NSD1: variants seen among roughly 807,000 people sequenced by gnomAD.
The protein encoded by NSD1 is nuclear receptor binding SET domain protein 1.
A neutral mutation model predicts 242.7 loss-of-function variants in NSD1; 26 were observed. The observed-to-expected ratio is 0.11, with a 90% CI of 0.08 to 0.15. NSD1 has a LOEUF of 0.15. Ranked by LOEUF, NSD1 falls within the 10% of genes least tolerant of loss-of-function variation. The probability of loss-of-function intolerance (pLI) is 1.00; values close to 1 mark genes in which losing one functional copy is unlikely to be tolerated. For synonymous variants in NSD1, 1,106 were observed against 1,178.1 expected, an observed-to-expected ratio of 0.94 and a Z score of 1.25; for missense variants, 2,495 against 3,272.8, an observed-to-expected ratio of 0.76 and a Z score of 5.80.
chr5:177,258,628 T>C (rs1756731708), intron 13 of NSD1, among the ~76,000 whole-genome samples: 1 of 150,586 alleles, frequency 6.6e-6, no homozygotes, highest in Non-Finnish European at 1.5e-5. Context: ...CTCCACCACC[T>C]GGGTTCAAAT....
intron 8 of NSD1, among the ~76,000 whole-genome samples, chr5:177,240,932 T>G (rs545411143): frequency 3.3e-5 from 5 of 152,190 alleles, no homozygotes; most frequent in Non-Finnish European, 7.4e-5. Flanking sequence ...AGTGGTAGGA[T>G]GTCTTGAGCC....
In NSD1 at chr5:177,133,845, G is replaced by A. The variant is rs1335496392; in HGVS notation, c.-125G>A. 1 of 150,740 alleles carries A rather than the reference G, an allele frequency of 6.6e-6. No homozygotes were observed. The highest frequency in any genetic ancestry group is 1.5e-5 in the Non-Finnish European group (1 of 67,534). 9.3% of individuals were successfully genotyped at this position (150,740 alleles called of 1,614,324 possible). A position where few individuals can be genotyped will look rare whatever the true frequency, so the allele number is the denominator to read the frequency against. The stretch of plus-strand genomic sequence containing the variant: ...CCCCTGAAGAGAGACGCGGGGGGAG[G>A]GGGGTGCGGCGAGCGGCCCCGCTCT... On this transcript the variant is annotated 5_prime_UTR_variant, in exon 1 of 23. Coordinates refer to ENST00000439151, the MANE Select transcript of NSD1 (RefSeq NM_022455.5). The surrounding 1 kb of genome is among the most constrained non-coding windows in gnomAD (Gnocchi z 6.2).
intron 2 of NSD1, chr5:177,137,045 T>G: frequency 2.1e-6 from 1 of 479,674 alleles, no homozygotes. Context: ...GAGTTGTTGT[T>G]TTCAGTAATG....
intron 12 of NSD1, among the ~76,000 whole-genome samples, chr5:177,255,569 GTTTTGTTT>G (rs1230405218): frequency 6.6e-6 from 1 of 151,832 alleles, no homozygotes; most frequent in Non-Finnish European, 1.5e-5. Context: ...TTTTTGTTTT[GTTTTGTTT>G]TTTTGTTTTT....
At chr5:177,284,544 T>G (rs1322156817) in intron 20 of NSD1, among the ~76,000 whole-genome samples, 5 of 152,182 alleles carry the variant, frequency 3.3e-5, no homozygotes, top group Non-Finnish European at 1.5e-5. Context: ...TGCCTCAGCC[T>G]CCCAAGTGCT....
intron 4 of NSD1, among the ~76,000 whole-genome samples, chr5:177,207,738 A>G (rs942577026): frequency 6.8e-5 from 10 of 147,306 alleles, no homozygotes; most frequent in Non-Finnish European, 1.3e-4. Flanking sequence ...CCTTTTATTC[A>G]TTTATTTTAT....
intron 16 of NSD1, among the ~76,000 whole-genome samples, chr5:177,271,731 G>A (rs1376253569): frequency 1.8e-4 from 27 of 152,192 alleles, no homozygotes; most frequent in Admixed American, 1.8e-3. Flanking sequence ...GATCTAACTA[G>A]ATCCCTAGTT....
intron 2 of NSD1, among the ~76,000 whole-genome samples, chr5:177,176,889 C>A (rs116083684): frequency 0.019 from 2,881 of 152,184 alleles, 91 homozygotes; most frequent in African/African-American, 0.063. Context: ...GGGGATCAGT[C>A]AGAAGTGAGC....
chr5:177,215,229 G>T (rs1183095606), intron 5 of NSD1, among the ~76,000 whole-genome samples: 1 of 151,352 alleles, frequency 6.6e-6, no homozygotes, highest in Non-Finnish European at 1.5e-5. Context: ...GCCCAGGCCG[G>T]AGTGCAATGG....
chr5:177,280,533 T>G, intron 17 of NSD1, 32 bp from the exon 18 acceptor site: 1 of 1,614,202 alleles, frequency 6.2e-7, no homozygotes, highest in Non-Finnish European at 8.5e-7. Context: ...GCTGACTTGT[T>G]TTATGCGGTG....
Position 177,299,578 on chromosome 5 carries a change from T to G in NSD1, c.*4119T>G. 4.3e-6 allele frequency: 1 copy of G among 233,266 alleles called. No individual in the cohort carries two copies. The highest frequency in any genetic ancestry group is 8.5e-6 in the Non-Finnish European group (1 of 118,042). The allele number at this position is 233,266 out of a possible 1,614,324, so 14.4% of individuals were successfully genotyped here. ...AAGCCCCTCTACTGCTTATGAAGAT[T>G]AAGGGTAGTATTTTCTAAGGAAGTG... On this transcript the variant is annotated 3_prime_UTR_variant, in exon 23 of 23. Coordinates refer to ENST00000439151, the MANE Select transcript of NSD1 (RefSeq NM_022455.5).
At chr5:177,232,352 T>A (rs776142795) in intron 5 of NSD1, among the ~76,000 whole-genome samples, 2 of 152,188 alleles carry the variant, frequency 1.3e-5, no homozygotes, top group Non-Finnish European at 2.9e-5. Flanking sequence ...TCCATAGAGA[T>A]GTTGTTTAAA....
intron 5 of NSD1, among the ~76,000 whole-genome samples, chr5:177,226,920 A>G (rs1764677321): frequency 6.6e-6 from 1 of 152,184 alleles, no homozygotes; most frequent in South Asian, 2.1e-4. Flanking sequence ...GTTGTTTGGA[A>G]TTTCCAATGG....
chr5:177,185,530 G>A lies in NSD1; in HGVS notation c.928-6354G>A, dbSNP rs191059532. ...GGAGAATCGCTTGAACCCAGGAGGCGGAGGTTGCATTGAGTTGAGATTGTG... is the reference window on the plus strand; with the variant it reads ...GGAGAATCGCTTGAACCCAGGAGGCAGAGGTTGCATTGAGTTGAGATTGTG... On this transcript the variant is annotated intron_variant, in intron 2 of 22. Transcript: ENST00000439151. Among the ~76,000 whole-genome samples, 427 of 150,318 alleles carry A rather than the reference G, an allele frequency of 2.8e-3. 1 individual carries two copies. The highest frequency in any genetic ancestry group is 4.0e-3 in the Non-Finnish European group (271 of 67,814).
At chr5:177,219,375 C>T (rs1423942338) in intron 5 of NSD1, among the ~76,000 whole-genome samples, 1 of 151,830 alleles carries the variant, frequency 6.6e-6, no homozygotes, top group African/African-American at 2.4e-5. Context: ...TTAGTAGAGA[C>T]GGGGTTTCAC....
intron 5 of NSD1, among the ~76,000 whole-genome samples, chr5:177,233,759 A>G (rs1765239520): frequency 6.6e-6 from 1 of 152,126 alleles, no homozygotes; most frequent in African/African-American, 2.4e-5. Context: ...GCTGGACAGG[A>G]TGATGACTGT....
At position 177,204,302 on chromosome 5, in the gene NSD1, G is replaced by A. The variant is rs553071155; in HGVS notation, c.1236+10G>A. 10 of 1,611,824 alleles carry A rather than the reference G, an allele frequency of 6.2e-6. No homozygotes were observed. The highest frequency in any genetic ancestry group is 4.0e-5 in the African/African-American group (3 of 74,948). ...AGGATATAGGCATAAGGTAGGAAAC[G>A]AAAAAGGCTTTTTATTGAGTGACAG... On this transcript the variant is annotated intron_variant, in intron 4 of 22. Coordinates refer to ENST00000439151, the MANE Select transcript of NSD1 (RefSeq NM_022455.5).
chr5:177,254,511 T>C (rs1035388716), intron 12 of NSD1, among the ~76,000 whole-genome samples: 31 of 152,168 alleles, frequency 2.0e-4, no homozygotes, highest in African/African-American at 7.5e-4. Flanking sequence ...GCGATTCTTG[T>C]GCCTCAGTCT....
intron 17 of NSD1, among the ~76,000 whole-genome samples, chr5:177,279,285 G>C (rs1442133188): frequency 6.6e-6 from 1 of 152,116 alleles, no homozygotes; most frequent in Non-Finnish European, 1.5e-5. Flanking sequence ...AGATCACAAG[G>C]TCAGGAGATC....
Sources: allele counts gnomAD v4.1 joint callset (sites outside exome capture counted in the v4.1 genomes callset), GRCh38; gene constraint gnomAD v4.1.1; non-coding constraint Gnocchi (gnomAD v3.1); transcripts MANE v1.5; gene names NCBI Gene and HGNC (gene_info 2026-07-23, HGNC 2026-07-21).